C2: variants seen among roughly 807,000 people sequenced by gnomAD.
C2 encodes the protein C3/C5 convertase.
In C2, 64 loss-of-function variants were observed where a neutral mutation model predicts 85.2. That is an observed-to-expected ratio of 0.75 (90% CI 0.61 to 0.92). C2 has a LOEUF of 0.92. Among genes scored for constraint, C2 ranks in the 40% least tolerant of loss-of-function variants. The probability of loss-of-function intolerance (pLI) is 0.00; values close to 1 mark genes in which losing one functional copy is unlikely to be tolerated. For synonymous variants in C2, 311 were observed against 370.8 expected (o/e 0.84, Z 1.85); for missense variants, 820 against 971.6 (o/e 0.84, Z 2.07).
Position 31,944,784 on chromosome 6 carries a change from G to C in C2, c.1960G>C (p.Asp654His), listed in dbSNP as rs766290172. The change falls in exon 16 of 18, where the codon GAT becomes CAT. Residue 654 changes from aspartate to histidine, a missense_variant. By Grantham distance (81) the Asp-to-His change is moderately conservative. Coordinates refer to ENST00000299367, the MANE Select transcript of C2 (RefSeq NM_000063.6). The surrounding 1 kb of genome is among the most constrained non-coding windows in gnomAD (Gnocchi z 5.1). ...AAAAACCATGTTCCCCAACTTGACA[G>C]ATGTCAGGGAGGTGGTGACAGACCA... ...QEKTMFPNLT[D>H]VREVVTDQFL... 18 of 1,612,992 alleles carry C rather than the reference G, an allele frequency of 1.1e-5. No individual in the cohort carries two copies. The highest frequency in any genetic ancestry group is 1.3e-5 in the Non-Finnish European group (15 of 1,180,032).
chr6:31,903,407 A>G (rs1196546454), intron 1 of C2, among the ~76,000 whole-genome samples: 1 of 152,228 alleles, frequency 6.6e-6, no homozygotes, highest in Non-Finnish European at 1.5e-5. Context: ...AGGCAGGTGG[A>G]TCACCTGAGG....
At chr6:31,898,470 G>A (rs1390454213), upstream of C2, among the ~76,000 whole-genome samples, 2 of 152,100 alleles carry the variant, frequency 1.3e-5, no homozygotes, top group Admixed American at 6.6e-5. Flanking sequence ...TAGGTATTAC[G>A]TTTTGGTCGA....
At position 31,935,142 on chromosome 6, in the gene C2, A is replaced by G; in HGVS notation, c.850-781A>G. ...CACAATACTTCATGTAACATTATAG[A>G]TGGTTTTCCCTCCCAGCTACATTTT... is the stretch of plus-strand genomic sequence containing the variant. On this transcript the variant is annotated intron_variant, in intron 6 of 17. Transcript: ENST00000299367. This position sits in a 1 kb window ranked among gnomAD's most constrained non-coding sequence, Gnocchi z 4.3. 1 of 895,302 alleles carries G rather than the reference A, an allele frequency of 1.1e-6. No individual in the cohort carries two copies. Among genetic ancestry groups the G allele is most frequent in the Non-Finnish European group, 1.3e-6 (1 of 747,650 alleles). 55.5% of individuals were successfully genotyped at this position (895,302 alleles called of 1,614,324 possible).
At chr6:31,913,938 C>CTTT (rs147277810) in intron 1 of C2, among the ~76,000 whole-genome samples, 8 of 147,374 alleles carry the variant, frequency 5.4e-5, no homozygotes, top group African/African-American at 1.8e-4. Flanking sequence ...GTGCCTGGCC[C>CTTT]TTTTTTTTTT....
chr6:31,934,237 C>G lies in C2; in HGVS notation c.787C>G (p.Gln263Glu), dbSNP rs755835929. 1 of 1,614,156 alleles carries G rather than the reference C, an allele frequency of 6.2e-7. No individual in the cohort carries two copies. Among genetic ancestry groups the G allele is most frequent in the South Asian group, 1.1e-5 (1 of 91,078 alleles). Residue 263 changes from glutamine (Q) to glutamate (E), a missense_variant, in exon 6 of 18, where the codon CAG becomes GAG. Physicochemically the swap from Gln to Glu is conservative, Grantham distance 29. Coordinates refer to ENST00000299367, the MANE Select transcript of C2 (RefSeq NM_000063.6). Reference protein sequence around the residue: ...LNLYLLLDCSQSVSENDFLIF... With the variant: ...LNLYLLLDCSESVSENDFLIF... ...CCTCTACCTGCTCCTGGACTGTTCG[C>G]AGAGTGTGTCGGAAAATGACTTTCT...
At chr6:31,902,248 C>T (rs1053373713) in intron 1 of C2, among the ~76,000 whole-genome samples, 3 of 151,650 alleles carry the variant, frequency 2.0e-5, no homozygotes, top group African/African-American at 7.3e-5. Context: ...TTTCTCGCTC[C>T]CCCTCCTCTG....
In C2 at chr6:31,927,741, A is replaced by G. The variant is rs767628615; in HGVS notation, c.-12A>G. The G allele has an allele frequency of 6.2e-7, 1 of 1,613,062 alleles. No individual in the cohort carries two copies. Among genetic ancestry groups the G allele is most frequent in the South Asian group, 1.1e-5 (1 of 91,084 alleles). On this transcript the variant is annotated 5_prime_UTR_variant, in exon 1 of 18. Transcript: ENST00000299367. This position sits in a 1 kb window ranked among gnomAD's most constrained non-coding sequence, Gnocchi z 4.7. ...CGGCTCTCTACCTCTCGCCGCCCCT[A>G]GGGAGGACACCATGGGCCCACTGAT...
At chr6:31,923,554 G>A (rs192111119), upstream of C2, among the ~76,000 whole-genome samples, 312 of 151,942 alleles carry the variant, frequency 2.1e-3, no homozygotes, top group Admixed American at 4.1e-3. Context: ...CACGATCTCC[G>A]CTCACTGCAA....
At chr6:31,902,298 A>C (rs1009078928) in intron 1 of C2, among the ~76,000 whole-genome samples, 1 of 151,108 alleles carries the variant, frequency 6.6e-6, no homozygotes, top group African/African-American at 2.4e-5. Flanking sequence ...GTGCGTGCCA[A>C]GTGCCGCGCG....
chr6:31,927,998 C>A lies in C2; in HGVS notation c.90C>A (p.Ile30=), dbSNP rs561819885. The change falls in exon 2 of 18, where the codon ATC becomes ATA. Residue 30 remains isoleucine (I), a synonymous_variant. Transcript: ENST00000299367. The surrounding 1 kb of genome is among the most constrained non-coding windows in gnomAD (Gnocchi z 4.7). ...CCTCCTGCCCTCAGAACGTGAATAT[C>A]TCGGGTGGCACCTTCACCCTCAGCC... ...SAPSCPQNVN[I]SGGTFTLSHG... The A allele has an allele frequency of 1.0e-4, 167 of 1,614,210 alleles. 3 individuals are homozygous for A. The South Asian group carries it at 1.6e-3, about 15-fold the overall frequency.
At chr6:31,934,464 A>C in intron 6 of C2, 165 bp downstream of exon 6, 1 of 1,241,860 alleles carries the variant, frequency 8.1e-7, no homozygotes, top group Non-Finnish European at 1.2e-6. Flanking sequence ...TTATACAATC[A>C]TAATTTTTAT....
In C2 at chr6:31,944,008, T is replaced by A; in HGVS notation, c.1810+15T>A. ...TAGGGACCATGGTGAGTGCTGGGAC[T>A]TATGGTGCTTGAGAGCTGGGGCCGG... On this transcript the variant is annotated intron_variant, in intron 14 of 17. Transcript: ENST00000299367. This position sits in a 1 kb window ranked among gnomAD's most constrained non-coding sequence, Gnocchi z 5.1. 1 of 1,612,180 alleles carries A rather than the reference T, an allele frequency of 6.2e-7. No homozygotes were observed. Among genetic ancestry groups the A allele is most frequent in the Non-Finnish European group, 8.5e-7 (1 of 1,179,242 alleles).
At chr6:31,933,324 G>A (rs552780244) in intron 3 of C2, among the ~76,000 whole-genome samples, 2 of 152,340 alleles carry the variant, frequency 1.3e-5, no homozygotes, top group South Asian at 2.1e-4. Context: ...AGTGCCAGTC[G>A]CTCTGCATCC....
chr6:31,927,097 G>A (rs1273292374), upstream of C2, among the ~76,000 whole-genome samples: 3 of 152,086 alleles, frequency 2.0e-5, no homozygotes, highest in East Asian at 3.8e-4. This position sits in a 1 kb window ranked among gnomAD's most constrained non-coding sequence, Gnocchi z 4.7. Flanking sequence ...AAAACTAAGT[G>A]TTGATTTCAT....
chr6:31,909,409 A>C (rs1441501339), intron 1 of C2, among the ~76,000 whole-genome samples: 1 of 151,512 alleles, frequency 6.6e-6, no homozygotes, highest in African/African-American at 2.4e-5. Flanking sequence ...CTCCCGCCTT[A>C]GCCTCCCGAG....
At chr6:31,917,174 A>G (rs2151723542), upstream of C2, among the ~76,000 whole-genome samples, 1 of 148,508 alleles carries the variant, frequency 6.7e-6, no homozygotes, top group East Asian at 2.0e-4. Context: ...CTGTCTCAGA[A>G]AAAAAAAAAA....
At chr6:31,903,451 G>A (rs1374565761) in intron 1 of C2, among the ~76,000 whole-genome samples, 1 of 152,070 alleles carries the variant, frequency 6.6e-6, no homozygotes, top group Non-Finnish European at 1.5e-5. Flanking sequence ...CCAACATGGT[G>A]AAACCCTGAC....
At position 31,937,305 on chromosome 6, in the gene C2, T is replaced by C; in HGVS notation, c.989-14T>C. 6.2e-7 allele frequency: 1 copy of C among 1,612,838 alleles called. No individual in the cohort carries two copies. The highest frequency in any genetic ancestry group is 8.5e-7 in the Non-Finnish European group (1 of 1,179,890). The stretch of plus-strand genomic sequence containing the variant: ...GAAGTTTCTAAGAGAGTCCTTCCTT[T>C]TGGCATATTCCAGATCATGAAAATG... On this transcript the variant is annotated splice_polypyrimidine_tract_variant and intron_variant, in intron 7 of 17. Coordinates refer to ENST00000299367, the MANE Select transcript of C2 (RefSeq NM_000063.6).
In C2 at chr6:31,935,803, C is replaced by A; in HGVS notation, c.850-120C>A. 8.9e-7 allele frequency: 1 copy of A among 1,120,786 alleles called. No homozygotes were observed. Among genetic ancestry groups the A allele is most frequent in the Non-Finnish European group, 1.3e-6 (1 of 746,516 alleles). 69.4% of individuals were successfully genotyped at this position (1,120,786 alleles called of 1,614,324 possible). On this transcript the variant is annotated intron_variant, in intron 6 of 17. Coordinates refer to ENST00000299367, the MANE Select transcript of C2 (RefSeq NM_000063.6). The surrounding 1 kb of genome is among the most constrained non-coding windows in gnomAD (Gnocchi z 4.3). The stretch of plus-strand genomic sequence containing the variant: ...CCATTTCCTAGTGTCTCCCCTGGTC[C>A]TTGCCTCTGTCGGTCTCACTCCAGT...
Sources: allele counts gnomAD v4.1 joint callset (sites outside exome capture counted in the v4.1 genomes callset), GRCh38; gene constraint gnomAD v4.1.1; non-coding constraint Gnocchi (gnomAD v3.1); transcripts MANE v1.5; gene names NCBI Gene and HGNC (gene_info 2026-07-23, HGNC 2026-07-21).